ABCC8: variants seen among roughly 807,000 people sequenced by gnomAD.
The protein encoded by ABCC8 is ATP binding cassette subfamily C member 8.
In ABCC8, 137 loss-of-function variants were observed where a neutral mutation model predicts 188.0. The ratio of observed to expected loss-of-function variants is 0.73; its 90% confidence interval spans 0.63 to 0.84. The LOEUF (loss-of-function observed/expected upper bound fraction) is 0.84. Among genes scored for constraint, ABCC8 ranks in the 40% least tolerant of loss-of-function variants. ABCC8 has a pLI of 0.00. For synonymous variants in ABCC8, 797 were observed against 846.5 expected (o/e 0.94, Z 1.01); for missense variants, 1,750 against 2,072.7 (o/e 0.84, Z 3.02).
In ABCC8 at chr11:17,461,838, TGGG is replaced by T. The variant is rs746784867; in HGVS notation, c.580-16_580-14del. 24 of 1,613,610 alleles carry T rather than the reference TGGG, an allele frequency of 1.5e-5. No individual in the cohort carries two copies. The African/African-American group carries it at 2.8e-4, about 19-fold the overall frequency. On this transcript the variant is annotated splice_polypyrimidine_tract_variant and intron_variant, in intron 4 of 38. Coordinates refer to ENST00000389817, the MANE Select transcript of ABCC8 (RefSeq NM_000352.6). ...AGAAGATGTATCTCTGTGGGGCACATGGGCCATGGGGGATGGGTAAGTCCAACT... is the reference window on the plus strand; with the variant it reads ...AGAAGATGTATCTCTGTGGGGCACATCCATGGGGGATGGGTAAGTCCAACT...
chr11:17,394,592 C>T, intron 36 of ABCC8, 193 bp from the exon 37 acceptor site: 3 of 636,446 alleles, frequency 4.7e-6, no homozygotes, highest in Non-Finnish European at 5.9e-6. Flanking sequence ...GCAAGGACTG[C>T]AACGAGAAGG....
intron 3 of ABCC8, among the ~76,000 whole-genome samples, chr11:17,469,601 C>T (rs957677248): frequency 3.3e-5 from 5 of 152,118 alleles, no homozygotes; most frequent in African/African-American, 1.2e-4. Flanking sequence ...CCACAGTTCA[C>T]CCAGGCTCTC....
intron 13 of ABCC8, 22 bp from the exon 14 acceptor site, chr11:17,428,427 G>A: frequency 6.2e-7 from 1 of 1,609,922 alleles, no homozygotes; most frequent in East Asian, 2.2e-5. Flanking sequence ...TTGGAGGTGA[G>A]GACCCACTGG....
intron 10 of ABCC8, among the ~76,000 whole-genome samples, chr11:17,437,838 C>G (rs1956167284): frequency 6.6e-6 from 1 of 152,218 alleles, no homozygotes; most frequent in South Asian, 2.1e-4. Flanking sequence ...GTGGCTCATG[C>G]TTGTAATCCC....
At chr11:17,396,430 C>G (rs574616693) in intron 33 of ABCC8, 3 of 294,210 alleles carry the variant, frequency 1.0e-5, no homozygotes, top group African/African-American at 6.5e-5. Context: ...AGGTACATCC[C>G]AAGGTCAGAG....
chr11:17,469,238 C>T (rs1162379252), intron 3 of ABCC8, among the ~76,000 whole-genome samples: 1 of 152,040 alleles, frequency 6.6e-6, no homozygotes, highest in Non-Finnish European at 1.5e-5. Context: ...ACCACCGATG[C>T]GTGCCACCAT....
chr11:17,401,086 G>A (rs2133425084), intron 29 of ABCC8, among the ~76,000 whole-genome samples: 1 of 152,298 alleles, frequency 6.6e-6, no homozygotes, highest in South Asian at 2.1e-4. Context: ...CAGGAAGCTG[G>A]GATCTGCACA....
intron 10 of ABCC8, among the ~76,000 whole-genome samples, chr11:17,438,102 AAAC>A (rs1956177473): frequency 6.6e-6 from 1 of 152,258 alleles, no homozygotes; most frequent in Non-Finnish European, 1.5e-5. Context: ...CTCCATCTCA[AAAC>A]AACAACAACC....
At chr11:17,436,448 A>C (rs1385981681) in intron 10 of ABCC8, among the ~76,000 whole-genome samples, 1 of 152,100 alleles carries the variant, frequency 6.6e-6, no homozygotes. Context: ...AAGTTCTATA[A>C]GGTTCCAAGG....
At chr11:17,420,160 G>A (rs1011226797) in intron 16 of ABCC8, among the ~76,000 whole-genome samples, 1 of 152,192 alleles carries the variant, frequency 6.6e-6, no homozygotes, top group East Asian at 1.9e-4. Context: ...AGGATATACA[G>A]GGCTCCACAG....
intron 29 of ABCC8, 91 bp downstream of exon 29, chr11:17,402,570 C>T: frequency 6.2e-7 from 1 of 1,611,852 alleles, no homozygotes; most frequent in Non-Finnish European, 8.5e-7. Context: ...TTGGCCTTCC[C>T]AAGTGGAGTC....
At chr11:17,405,427 C>T in intron 27 of ABCC8, 67 bp downstream of exon 27, 1 of 1,610,290 alleles carries the variant, frequency 6.2e-7, no homozygotes, top group South Asian at 1.1e-5. Flanking sequence ...CAGCCTCAGA[C>T]AGGAGAAGCC....
intron 10 of ABCC8, among the ~76,000 whole-genome samples, chr11:17,440,386 G>C (rs565668500): frequency 1.3e-5 from 2 of 152,294 alleles, no homozygotes; most frequent in East Asian, 3.9e-4. Flanking sequence ...GGGCAGGCAG[G>C]ACTGACAGAG....
chr11:17,408,123 G>T, intron 23 of ABCC8: 1 of 369,130 alleles, frequency 2.7e-6, no homozygotes, highest in Non-Finnish European at 4.9e-6. Context: ...AGTTTTCTTT[G>T]CCAGTTTGAG....
chr11:17,430,546 GGT>G (rs1564928317), intron 12 of ABCC8: 466 of 443,262 alleles, frequency 1.1e-3, no homozygotes, highest in South Asian at 1.6e-3. Flanking sequence ...GCTCAACACT[GGT>G]TTTTTTTTTT....
chr11:17,412,567 G>A lies in ABCC8; in HGVS notation c.2556+99C>T, dbSNP rs1376408490. 11 of 1,459,656 alleles carry A rather than the reference G, an allele frequency of 7.5e-6. 1 individual carries two copies. Among genetic ancestry groups the A allele is most frequent in the South Asian group, 2.4e-5 (2 of 82,028 alleles). 90.4% of individuals were successfully genotyped at this position (1,459,656 alleles called of 1,614,324 possible). Reference sequence around the variant, plus strand: ...CAGGAGGGATTTACTCCTGGAGAGGGAGATTGTTGGATGATGGTGGGGTTG... The same window carrying A: ...CAGGAGGGATTTACTCCTGGAGAGGAAGATTGTTGGATGATGGTGGGGTTG... On this transcript the variant is annotated intron_variant, in intron 21 of 38. Coordinates refer to ENST00000389817, the MANE Select transcript of ABCC8 (RefSeq NM_000352.6).
intron 33 of ABCC8, chr11:17,396,692 G>C: frequency 1.7e-6 from 1 of 596,324 alleles, no homozygotes; most frequent in East Asian, 3.0e-5. Context: ...CTCCTTGGTG[G>C]ATGAGTGAGA....
chr11:17,437,050 C>G (rs190781576), intron 10 of ABCC8, among the ~76,000 whole-genome samples: 1 of 142,600 alleles, frequency 7.0e-6, no homozygotes. Flanking sequence ...GAGATCGCGC[C>G]ACTGCACTCC....
chr11:17,398,584 T>G, intron 29 of ABCC8, 143 bp from the exon 30 acceptor site: 1 of 1,483,856 alleles, frequency 6.7e-7, no homozygotes, highest in Non-Finnish European at 9.2e-7. Flanking sequence ...GCTATCCCTC[T>G]CTGGAATGTC....
Sources: gnomAD v4.1 joint callset for allele counts (sites outside exome capture counted in the v4.1 genomes callset) on GRCh38, gnomAD v4.1.1 for gene constraint, MANE v1.5 for transcripts, NCBI Gene and HGNC (gene_info 2026-07-23, HGNC 2026-07-21) for gene names.